Variants in MBTPS1 observed in about 807,000 individuals in gnomAD.
The protein encoded by MBTPS1 is membrane bound transcription factor peptidase, site 1, also known as membrane-bound transcription factor site-1 protease.
MBTPS1 carries 94 observed loss-of-function variants against 127.8 expected under a neutral mutation model. That is an observed-to-expected ratio of 0.74 (90% CI 0.62 to 0.87). The LOEUF (loss-of-function observed/expected upper bound fraction) is 0.87. Ranked by LOEUF, MBTPS1 falls within the 40% of genes least tolerant of loss-of-function variation. The pLI is 0.00. For missense variants in MBTPS1, 1,636 were observed against 1,353.2 expected (o/e 1.21, Z -3.28); for synonymous variants, 632 against 509.4 (o/e 1.24, Z -3.24).
At chr16:84,103,256 ATT>A (rs1345813573) in intron 1 of MBTPS1, among the ~76,000 whole-genome samples, 11 of 137,494 alleles carry the variant, frequency 8.0e-5, no homozygotes, top group Non-Finnish European at 7.7e-5. Context: ...TATTATTATT[ATT>A]TTTTTTTTTT....
In MBTPS1 at chr16:84,059,426, T is replaced by C. The variant is rs987907304; in HGVS notation, c.2707A>G (p.Asn903Asp). 9.3e-6 allele frequency: 15 copies of C among 1,608,264 alleles called. No homozygotes were observed. Among genetic ancestry groups the C allele is most frequent in the African/African-American group, 1.3e-5 (1 of 74,682 alleles). The change falls in exon 21 of 23, where the codon AAC becomes GAC. Residue 903 changes from asparagine (N) to aspartate (D), a missense_variant and splice_region_variant. Physicochemically the swap from Asn to Asp is conservative, Grantham distance 23 (BLOSUM62 1). Coordinates refer to ENST00000343411, the MANE Select transcript of MBTPS1 (RefSeq NM_003791.4). ...GSVTPERMEG[N>D]HLHRYSKVLE... ...ACCTTGGAGTACCGATGAAGATGGT[T>C]TCCTGTGGTTAGCAGCAACATCAAC... is the stretch of plus-strand genomic sequence containing the variant.
intron 3 of MBTPS1, among the ~76,000 whole-genome samples, chr16:84,098,214 G>T (rs772849168): frequency 2.6e-5 from 4 of 152,206 alleles, no homozygotes; most frequent in Non-Finnish European, 5.9e-5. Flanking sequence ...CACCTGCACA[G>T]CTGATGACTT....
intron 12 of MBTPS1, 67 bp downstream of exon 12, chr16:84,074,530 G>A: frequency 2.0e-6 from 3 of 1,511,728 alleles, no homozygotes; most frequent in Non-Finnish European, 2.7e-6. Context: ...AGTAACTATG[G>A]CCTAAAGGTC....
intron 2 of MBTPS1, among the ~76,000 whole-genome samples, chr16:84,100,634 G>A (rs1048627183): frequency 1.3e-5 from 2 of 151,766 alleles, no homozygotes; most frequent in Non-Finnish European, 2.9e-5. Context: ...AGGCTGAAGT[G>A]GGAGACCACT....
intron 7 of MBTPS1, 57 bp from the exon 8 acceptor site, chr16:84,090,999 CAAAAAA>C (rs11325729): frequency 3.9e-6 from 3 of 767,832 alleles, no homozygotes; most frequent in Non-Finnish European, 6.0e-6. Flanking sequence ...ATATAACTGT[CAAAAAA>C]AAAAAAAAAA....
At chr16:84,077,101 C>G (rs558776986) in intron 11 of MBTPS1, among the ~76,000 whole-genome samples, 1 of 151,984 alleles carries the variant, frequency 6.6e-6, no homozygotes, top group African/African-American at 2.4e-5. Context: ...GGGTATGTAC[C>G]TGCAGTCCAC....
chr16:84,054,797 A>G (rs1277514789), intron 22 of MBTPS1, 152 bp from the exon 23 acceptor site: 1 of 585,394 alleles, frequency 1.7e-6, no homozygotes, highest in Non-Finnish European at 2.8e-6. Context: ...GCCTTAGCTA[A>G]AGTAACCCAG....
chr16:84,060,390 C>A, intron 20 of MBTPS1: 1 of 316,390 alleles, frequency 3.2e-6, no homozygotes, highest in Admixed American at 4.2e-5. Flanking sequence ...GAGCCACTGT[C>A]CTCACCTGTG....
intron 3 of MBTPS1, among the ~76,000 whole-genome samples, chr16:84,097,872 T>TGTTTGTG (rs1486515850): frequency 9.8e-5 from 9 of 92,276 alleles, no homozygotes. Context: ...GTGTGTGTGT[T>TGTTTGTG]TGTGTGTGTG....
chr16:84,074,527 A>G (rs1360540932), intron 12 of MBTPS1, 70 bp downstream of exon 12: 1 of 1,491,442 alleles, frequency 6.7e-7, no homozygotes. Context: ...AGAAGTAACT[A>G]TGGCCTAAAG....
intron 1 of MBTPS1, among the ~76,000 whole-genome samples, chr16:84,103,940 C>G (rs1432717909): frequency 2.0e-5 from 3 of 152,134 alleles, no homozygotes; most frequent in Non-Finnish European, 4.4e-5. Flanking sequence ...AGAGCAAAAA[C>G]AAAGAGCCAA....
At chr16:84,086,599 T>C (rs1181053324) in intron 9 of MBTPS1, 1 of 152,240 alleles carries the variant, frequency 6.6e-6, no homozygotes, top group Non-Finnish European at 1.5e-5. Context: ...GTAAAGTGGC[T>C]ACAGTGTGGA....
At chr16:84,058,822 A>C (rs2151139896) in intron 21 of MBTPS1, among the ~76,000 whole-genome samples, 1 of 152,290 alleles carries the variant, frequency 6.6e-6, no homozygotes, top group East Asian at 1.9e-4. Context: ...CTGCCATCGG[A>C]GGCGGGTGCT....
At chr16:84,081,602 C>T (rs1223484379) in intron 11 of MBTPS1, 145 bp downstream of exon 11, 1 of 527,632 alleles carries the variant, frequency 1.9e-6, no homozygotes, top group Non-Finnish European at 3.0e-6. Flanking sequence ...CCTGTAGAAG[C>T]AGCAGCAAAA....
chr16:84,092,494 A>G (rs1313389938), intron 6 of MBTPS1, among the ~76,000 whole-genome samples: 1 of 152,222 alleles, frequency 6.6e-6, no homozygotes, highest in Admixed American at 6.5e-5. Flanking sequence ...ATATACACCA[A>G]AGAAATTCTA....
At chr16:84,067,348 T>A (rs2085700774) in intron 16 of MBTPS1, among the ~76,000 whole-genome samples, 1 of 152,126 alleles carries the variant, frequency 6.6e-6, no homozygotes, top group Admixed American at 6.6e-5. Flanking sequence ...ACTATTTTCT[T>A]TTTTGTGTTT....
rs201587771 is a variant in MBTPS1 at position 84,057,764 on chromosome 16, G to C, written c.2831+1538C>G. The C allele has an allele frequency of 3.3e-5, 5 of 152,248 alleles. No homozygotes were observed. The East Asian group carries it at 9.6e-4, about 29-fold the overall frequency. 9.4% of individuals were successfully genotyped at this position (152,248 alleles called of 1,614,324 possible). ...AATGTAAAACCCAGCAGCGTACTGA[G>C]AAGAAGGAATTACTGAGTGATTGTG... On this transcript the variant is annotated intron_variant, in intron 21 of 22. Coordinates refer to ENST00000343411, the MANE Select transcript of MBTPS1 (RefSeq NM_003791.4).
intron 11 of MBTPS1, among the ~76,000 whole-genome samples, chr16:84,076,683 T>G (rs1391993400): frequency 6.6e-6 from 1 of 152,134 alleles, no homozygotes; most frequent in Non-Finnish European, 1.5e-5. Flanking sequence ...AACAAAAAGA[T>G]TAAATACTTA....
At chr16:84,103,654 G>A (rs568364221) in intron 1 of MBTPS1, among the ~76,000 whole-genome samples, 5 of 152,158 alleles carry the variant, frequency 3.3e-5, no homozygotes, top group Non-Finnish European at 7.3e-5. Context: ...AGAAACTGGT[G>A]CTTCTGAGTT....
Sources: allele counts gnomAD v4.1 joint callset (sites outside exome capture counted in the v4.1 genomes callset), GRCh38; gene constraint gnomAD v4.1.1; transcripts MANE v1.5; gene names NCBI Gene and HGNC (gene_info 2026-07-23, HGNC 2026-07-21).